Variants in TMEM260 observed in about 807,000 individuals in gnomAD.
TMEM260 encodes the protein transmembrane protein 260, also known as protein O-mannosyl-transferase TMEM260.
In TMEM260, 82 loss-of-function variants were observed where a neutral mutation model predicts 88.9. The observed-to-expected ratio is 0.92, with a 90% confidence interval of 0.77 to 1.11. The LOEUF is 1.11. Among genes scored for constraint, TMEM260 ranks in the 50% least tolerant of loss-of-function variants. The pLI, the probability that TMEM260 is intolerant of heterozygous loss-of-function variation, is 0.00. For missense variants in TMEM260, 902 were observed against 853.4 expected (o/e 1.06, Z -0.71); for synonymous variants, 314 against 309.3 (o/e 1.02, Z -0.16).
At chr14:56,603,192 A>G (rs1010460347) in intron 3 of TMEM260, among the ~76,000 whole-genome samples, 3 of 152,010 alleles carry the variant, frequency 2.0e-5, no homozygotes, top group African/African-American at 7.3e-5. Flanking sequence ...GTGTTATTGA[A>G]ATTCACATTC....
At chr14:56,638,567 T>C (rs1356788233) in intron 15 of TMEM260, among the ~76,000 whole-genome samples, 1 of 152,200 alleles carries the variant, frequency 6.6e-6, no homozygotes, top group Non-Finnish European at 1.5e-5. Flanking sequence ...TCTGTTTTTT[T>C]TCAGTGAATA....
downstream of TMEM260, chr14:56,650,419 C>T (rs914108204): frequency 5.6e-6 from 1 of 180,044 alleles, no homozygotes; most frequent in Admixed American, 5.7e-5. Flanking sequence ...ACTCCCTGTG[C>T]CCCCGCTGTT....
Position 56,605,687 on chromosome 14 carries a change from C to T in TMEM260, c.636+4C>T, listed in dbSNP as rs771995331. 2.0e-5 allele frequency: 30 copies of T among 1,502,462 alleles called. No homozygotes were observed. The highest frequency in any genetic ancestry group is 9.3e-5 in the East Asian group (4 of 43,050). 93.1% of individuals were successfully genotyped at this position (1,502,462 alleles called of 1,614,324 possible). A position where few individuals can be genotyped will look rare whatever the true frequency, so the allele number is the denominator to read the frequency against. On this transcript the variant is annotated splice_donor_region_variant and intron_variant, in intron 5 of 15. Coordinates refer to ENST00000261556, the MANE Select transcript of TMEM260 (RefSeq NM_017799.4). The stretch of plus-strand genomic sequence containing the variant: ...CTTTCAACTTTTAAAAAAGAAGGTA[C>T]GTTTTTGAATTTTGTAAAAAAAAGT...
chr14:56,621,940 G>T (rs1411687385), intron 11 of TMEM260, among the ~76,000 whole-genome samples: 1 of 151,962 alleles, frequency 6.6e-6, no homozygotes, highest in Non-Finnish European at 1.5e-5. Flanking sequence ...TAAACTGAAC[G>T]TTTTAAGAAT....
chr14:56,633,926 A>C (rs956932189), intron 13 of TMEM260, among the ~76,000 whole-genome samples: 1 of 152,224 alleles, frequency 6.6e-6, no homozygotes, highest in African/African-American at 2.4e-5. Context: ...ATATTTTAAA[A>C]TACTGTAAAG....
chr14:56,649,735 AAT>A (rs1890162520), downstream of TMEM260, among the ~76,000 whole-genome samples: 2 of 152,128 alleles, frequency 1.3e-5, no homozygotes, highest in African/African-American at 4.8e-5. Context: ...AAATTTTTTA[AAT>A]ATGTGTCTGT....
At chr14:56,634,876 T>C (rs559358245) in intron 13 of TMEM260, 23 bp from the exon 14 acceptor site, 2 of 1,604,234 alleles carry the variant, frequency 1.2e-6, no homozygotes, top group African/African-American at 1.3e-5. Context: ...CAGAAAGATA[T>C]TACTGTTTTC....
At position 56,626,599 on chromosome 14, in the gene TMEM260, C is replaced by G. The variant is rs1888257459; in HGVS notation, c.1547+1069C>G. 2.0e-5 allele frequency among the ~76,000 whole-genome samples: 3 copies of G among 152,160 alleles called. No homozygotes were observed. In the South Asian group the frequency reaches 6.2e-4, roughly 32 times the overall value. ...TATCAATGCCTTGTAAAGTGTCAGA[C>G]ATAGTATATACTCAATAGGTGTTTA... is the stretch of plus-strand genomic sequence containing the variant. On this transcript the variant is annotated intron_variant, in intron 12 of 15. Transcript: ENST00000261556.
Position 56,596,381 on chromosome 14 carries a change from A to AGTGTGTGTGTGTGT in TMEM260, c.345-7421_345-7408dup, listed in dbSNP as rs376857460. Among the ~76,000 whole-genome samples, 1,052 of 126,530 alleles carry AGTGTGTGTGTGTGT rather than the reference A, an allele frequency of 8.3e-3. 15 individuals carry two copies. The highest frequency in any genetic ancestry group is 0.029 in the African/African-American group (962 of 33,212). 83.0% of individuals were successfully genotyped at this position (126,530 alleles called of 152,430 possible). A position where few individuals can be genotyped will look rare whatever the true frequency, so the allele number is the denominator to read the frequency against. The stretch of plus-strand genomic sequence containing the variant: ...GGACACACACACATATATATGTGAG[A>AGTGTGTGTGTGTGT]GTGTGTGTGTGTGTGTGTGTGTGTG... On this transcript the variant is annotated intron_variant, in intron 3 of 15. Transcript: ENST00000261556.
intron 15 of TMEM260, among the ~76,000 whole-genome samples, chr14:56,643,606 GGGATGCCC>G (rs1429491419): frequency 6.6e-6 from 1 of 152,110 alleles, no homozygotes. Flanking sequence ...GCACAAGACA[GGGATGCCC>G]TCTCTCACCA....
intron 10 of TMEM260, among the ~76,000 whole-genome samples, chr14:56,620,618 A>C (rs1160954604): frequency 6.6e-6 from 1 of 152,198 alleles, no homozygotes; most frequent in Non-Finnish European, 1.5e-5. Context: ...AATGTGCCTC[A>C]TCACTCTGCA....
In TMEM260 at chr14:56,579,872, T is replaced by A; in HGVS notation, c.-43T>A. ...TGGGGAGCTCCGTGTCGCACCGGGT[T>A]CTTGGGCTGGCCGTGTCCTTCTCCC... On this transcript the variant is annotated 5_prime_UTR_variant, in exon 1 of 16. Coordinates refer to ENST00000261556, the MANE Select transcript of TMEM260 (RefSeq NM_017799.4). The A allele has an allele frequency of 8.1e-7, 1 of 1,231,144 alleles. No homozygotes were observed. The allele number at this position is 1,231,144 out of a possible 1,614,324, so 76.3% of individuals were successfully genotyped here. A position where few individuals can be genotyped will look rare whatever the true frequency, so the allele number is the denominator to read the frequency against.
At chr14:56,588,847 A>G (rs1307030463) in intron 3 of TMEM260, among the ~76,000 whole-genome samples, 1 of 152,026 alleles carries the variant, frequency 6.6e-6, no homozygotes, top group African/African-American at 2.4e-5. Context: ...GCTGTAATAT[A>G]GTTAGTGGTT....
chr14:56,622,602 C>CT lies in TMEM260; in HGVS notation c.1398+909dup, dbSNP rs901040117. On this transcript the variant is annotated intron_variant, in intron 11 of 15. Transcript: ENST00000261556. ...GTGAAAATTTTGAGGGCTATGAAAA[C>CT]TTTTTTTTTCATTGAAGAACTATTT... Among the ~76,000 whole-genome samples the CT allele has an allele frequency of 8.0e-5, 12 of 150,804 alleles. No individual in the cohort carries two copies. In the South Asian group the frequency reaches 1.3e-3, roughly 16 times the overall value.
chr14:56,654,237 A>T (rs1238335866), downstream of TMEM260, among the ~76,000 whole-genome samples: 1 of 152,154 alleles, frequency 6.6e-6, no homozygotes, highest in Non-Finnish European at 1.5e-5. Flanking sequence ...CCCAAATTAA[A>T]AGGTTTTAGT....
At chr14:56,595,690 G>A (rs1486386059) in intron 3 of TMEM260, among the ~76,000 whole-genome samples, 1 of 151,986 alleles carries the variant, frequency 6.6e-6, no homozygotes, top group African/African-American at 2.4e-5. Flanking sequence ...ATCTCACTAT[G>A]TTGCCCAGGC....
chr14:56,636,410 T>TACATCCC (rs1889078445), intron 14 of TMEM260, 98 bp from the exon 15 acceptor site: 1 of 888,180 alleles, frequency 1.1e-6, no homozygotes, highest in Non-Finnish European at 1.8e-6. Context: ...AAGGATTTTG[T>TACATCCC]ACATCCCTTA....
chr14:56,627,823 T>A (rs191565797), intron 12 of TMEM260, among the ~76,000 whole-genome samples: 2 of 152,282 alleles, frequency 1.3e-5, no homozygotes, highest in East Asian at 3.9e-4. Flanking sequence ...TTAACCCGTG[T>A]ATACATTTGT....
rs982783041 is a variant in TMEM260 at position 56,622,199 on chromosome 14, C to T, written c.1398+497C>T. Among the ~76,000 whole-genome samples, 8 of 151,722 alleles carry T rather than the reference C, an allele frequency of 5.3e-5. No homozygotes were observed. The South Asian group carries it at 6.2e-4, about 12-fold the overall frequency. ...TCTACTAAAAATACAAAAAATTAGC[C>T]GGGTGTGGTGGCACGCGCCTGTAGT... On this transcript the variant is annotated intron_variant, in intron 11 of 15. Transcript: ENST00000261556.
Sources: allele counts gnomAD v4.1 joint callset (sites outside exome capture counted in the v4.1 genomes callset), GRCh38; gene constraint gnomAD v4.1.1; transcripts MANE v1.5; gene names NCBI Gene and HGNC (gene_info 2026-07-23, HGNC 2026-07-21).